NCOA1: variants seen among roughly 807,000 people sequenced by gnomAD.
NCOA1 encodes the protein Hin-2 protein.
In NCOA1, 35 loss-of-function variants were observed where a neutral mutation model predicts 150.9. The observed-to-expected ratio is 0.23, with a 90% CI of 0.18 to 0.31. NCOA1 has a LOEUF of 0.31. Ranked by LOEUF, NCOA1 falls within the 10% of genes least tolerant of loss-of-function variation. The pLI is 1.00. For missense variants in NCOA1, 1,491 were observed against 1,749.3 expected, an observed-to-expected ratio of 0.85 and a Z score of 2.63; for synonymous variants, 590 against 630.0, an observed-to-expected ratio of 0.94 and a Z score of 0.95.
intron 3 of NCOA1, among the ~76,000 whole-genome samples, chr2:24,595,997 G>C (rs1047856101): frequency 6.6e-6 from 1 of 152,114 alleles, no homozygotes; most frequent in Non-Finnish European, 1.5e-5. Flanking sequence ...TTTCAGGAGT[G>C]AGATCATGAG....
chr2:24,666,121 C>A (rs1056318828), intron 6 of NCOA1, among the ~76,000 whole-genome samples: 1 of 151,720 alleles, frequency 6.6e-6, no homozygotes, highest in Non-Finnish European at 1.5e-5. Flanking sequence ...ACACCATTCT[C>A]CTGCCTCAGC....
intron 17 of NCOA1, among the ~76,000 whole-genome samples, chr2:24,736,670 T>A (rs1026990220): frequency 6.6e-6 from 1 of 152,218 alleles, no homozygotes; most frequent in African/African-American, 2.4e-5. Flanking sequence ...AGTAGCTAGC[T>A]CAGGGTTTCT....
In NCOA1 at chr2:24,729,415, T is replaced by C. The variant is rs921499522; in HGVS notation, c.2887-86T>C. ...GGAGAGCATGAATTCAGAATGAATA[T>C]ATGATGGTGCTTTCTAGAAATACGG... On this transcript the variant is annotated intron_variant, in intron 16 of 22. Transcript: ENST00000348332. 6 of 1,285,526 alleles carry C rather than the reference T, an allele frequency of 4.7e-6. No homozygotes were observed. The Admixed American group carries it at 8.2e-5, about 18-fold the overall frequency. The allele number at this position is 1,285,526 out of a possible 1,614,324, so 79.6% of individuals were successfully genotyped here.
At chr2:24,559,392 C>T (rs1666206306) in intron 1 of NCOA1, among the ~76,000 whole-genome samples, 3 of 152,198 alleles carry the variant, frequency 2.0e-5, no homozygotes, top group South Asian at 4.1e-4. Flanking sequence ...AGATTTTTCT[C>T]TGTGTTCCTG....
chr2:24,514,171 C>T (rs1464149577), intron 1 of NCOA1, among the ~76,000 whole-genome samples: 1 of 150,958 alleles, frequency 6.6e-6, no homozygotes, highest in Non-Finnish European at 1.5e-5. Context: ...ACCTGTAGTC[C>T]CAGCTACTCG....
chr2:24,575,223 T>G (rs1666905539), intron 2 of NCOA1, among the ~76,000 whole-genome samples: 1 of 152,208 alleles, frequency 6.6e-6, no homozygotes, highest in African/African-American at 2.4e-5. Flanking sequence ...TCTATTGCTA[T>G]ATCTTTAAGT....
intron 1 of NCOA1, among the ~76,000 whole-genome samples, chr2:24,558,898 C>T (rs1335147279): frequency 2.0e-5 from 3 of 152,096 alleles, no homozygotes; most frequent in Non-Finnish European, 4.4e-5. Context: ...ATCCTGAATC[C>T]TGCTGTATGC....
chr2:24,535,148 A>G (rs926916716), intron 1 of NCOA1, among the ~76,000 whole-genome samples: 1 of 152,106 alleles, frequency 6.6e-6, no homozygotes, highest in Non-Finnish European at 1.5e-5. Context: ...TTGGGTGCAT[A>G]TATATTTAGG....
intron 20 of NCOA1, among the ~76,000 whole-genome samples, chr2:24,754,185 C>A (rs1431060464): frequency 2.6e-5 from 4 of 152,178 alleles, no homozygotes; most frequent in African/African-American, 9.7e-5. Flanking sequence ...AGCTTCCTCT[C>A]CTGCTTCCAC....
intron 14 of NCOA1, among the ~76,000 whole-genome samples, chr2:24,718,824 G>A (rs530518786): frequency 2.7e-5 from 4 of 149,650 alleles, no homozygotes; most frequent in South Asian, 2.1e-4. Context: ...AGCCGAGATC[G>A]CGCCACTGCA....
intron 1 of NCOA1, among the ~76,000 whole-genome samples, chr2:24,560,768 TA>T (rs1666263926): frequency 6.6e-6 from 1 of 152,194 alleles, no homozygotes; most frequent in Admixed American, 6.5e-5. Flanking sequence ...TTTATGAGCA[TA>T]ATGGTTGTTG....
chr2:24,520,946 G>A (rs1219755867), intron 1 of NCOA1, among the ~76,000 whole-genome samples: 2 of 83,356 alleles, frequency 2.4e-5, no homozygotes, highest in African/African-American at 3.5e-5. Flanking sequence ...ATTCCAGGCC[G>A]CTTCCTGCCT....
At chr2:24,664,477 G>C (rs1016428743) in intron 5 of NCOA1, among the ~76,000 whole-genome samples, 6 of 152,170 alleles carry the variant, frequency 3.9e-5, no homozygotes, top group Non-Finnish European at 7.3e-5. Flanking sequence ...TTGGGAGGCT[G>C]AGACGGGCGG....
chr2:24,701,135 C>A (rs2148581717), intron 11 of NCOA1, among the ~76,000 whole-genome samples: 1 of 151,980 alleles, frequency 6.6e-6, no homozygotes, highest in East Asian at 1.9e-4. Flanking sequence ...TATGAAAGTT[C>A]TGTTTATATA....
At chr2:24,672,125 TTATA>T (rs1287184796) in intron 6 of NCOA1, among the ~76,000 whole-genome samples, 1 of 84,864 alleles carries the variant, frequency 1.2e-5, no homozygotes, top group East Asian at 3.4e-4. Context: ...ATATATATGT[TTATA>T]TATATAACAA....
intron 1 of NCOA1, among the ~76,000 whole-genome samples, chr2:24,530,691 C>G (rs1324312142): frequency 2.0e-5 from 3 of 152,134 alleles, no homozygotes; most frequent in African/African-American, 4.8e-5. Context: ...AATGGCAAAG[C>G]CCAGAGTCCA....
At chr2:24,652,536 G>A (rs1467124493) in intron 4 of NCOA1, among the ~76,000 whole-genome samples, 1 of 151,984 alleles carries the variant, frequency 6.6e-6, no homozygotes, top group Non-Finnish European at 1.5e-5. Context: ...AATTGGCAGG[G>A]ACTTTTTAAA....
chr2:24,492,213 A>T (rs1382999660), intron 1 of NCOA1: 4 of 151,690 alleles, frequency 2.6e-5, no homozygotes, highest in African/African-American at 7.3e-5. Context: ...GATACTGGAC[A>T]TGTTCCTGTC....
At chr2:24,552,324 TATATATATATATA>T (rs1665864991) in intron 1 of NCOA1, among the ~76,000 whole-genome samples, 2 of 11,986 alleles carry the variant, frequency 1.7e-4, no homozygotes, top group African/African-American at 6.1e-4. Context: ...ATATATATTA[TATATATATATATA>T]TATATATATA....
Sources: allele counts gnomAD v4.1 joint callset (sites outside exome capture counted in the v4.1 genomes callset), GRCh38; gene constraint gnomAD v4.1.1; transcripts MANE v1.5; gene names NCBI Gene and HGNC (gene_info 2026-07-23, HGNC 2026-07-21).